Variants in LEPR observed in about 807,000 individuals in gnomAD.
LEPR encodes OB receptor.
In LEPR, 56 loss-of-function variants were observed where a neutral mutation model predicts 114.7. The observed-to-expected ratio is 0.49, with a 90% CI of 0.39 to 0.61. LEPR has a LOEUF of 0.61. Among genes scored for constraint, LEPR ranks in the 20% least tolerant of loss-of-function variants. The pLI is 0.00. For missense variants in LEPR, 1,202 were observed against 1,352.9 expected (o/e 0.89, Z 1.75); for synonymous variants, 443 against 461.4 (o/e 0.96, Z 0.51).
chr1:65,620,606 G>C (rs951931883), intron 17 of LEPR, among the ~76,000 whole-genome samples: 2 of 152,132 alleles, frequency 1.3e-5, no homozygotes, highest in African/African-American at 4.8e-5. Flanking sequence ...TTAGTTGATA[G>C]CCAGAAATGG....
At chr1:65,546,677 G>A (rs1458945148) in intron 2 of LEPR, among the ~76,000 whole-genome samples, 5 of 152,262 alleles carry the variant, frequency 3.3e-5, no homozygotes, top group Admixed American at 1.3e-4. Context: ...AGACTTTGCC[G>A]AAGTTGCTTA....
At chr1:65,427,482 C>T (rs1646402253) in intron 2 of LEPR, among the ~76,000 whole-genome samples, 1 of 152,048 alleles carries the variant, frequency 6.6e-6, no homozygotes, top group Non-Finnish European at 1.5e-5. Context: ...TTGGTTGAGC[C>T]CAGGGGTTGG....
At chr1:65,466,128 C>A (rs1459792659) in intron 2 of LEPR, among the ~76,000 whole-genome samples, 3 of 152,150 alleles carry the variant, frequency 2.0e-5, no homozygotes, top group African/African-American at 4.8e-5. Flanking sequence ...TGTCCTTGGT[C>A]TTTACCATTT....
intron 2 of LEPR, among the ~76,000 whole-genome samples, chr1:65,443,471 C>T (rs939759104): frequency 6.6e-6 from 1 of 150,762 alleles, no homozygotes; most frequent in Non-Finnish European, 1.5e-5. Context: ...ATATACACAT[C>T]TATATCTGAT....
chr1:65,485,622 C>G lies in LEPR; in HGVS notation c.-21+60244C>G, dbSNP rs1311372457. ...ATGCAGACACACAAACTCTCTCTCT[C>G]TCTCTTTCTGAGAGGTCAGCCCATT... On this transcript the variant is annotated intron_variant, in intron 2 of 19. Transcript: ENST00000349533. Among the ~76,000 whole-genome samples the G allele has an allele frequency of 2.0e-5, 3 of 152,278 alleles. No homozygotes were observed. In the East Asian group the frequency reaches 5.8e-4, roughly 29 times the overall value.
At chr1:65,426,321 G>A (rs189032459) in intron 2 of LEPR, among the ~76,000 whole-genome samples, 51 of 144,622 alleles carry the variant, frequency 3.5e-4, no homozygotes, top group African/African-American at 1.1e-3. Flanking sequence ...CAAAAGAAGG[G>A]TTAGTCAAGA....
At chr1:65,583,280 C>T (rs566805272) in intron 5 of LEPR, among the ~76,000 whole-genome samples, 162 of 152,232 alleles carry the variant, frequency 1.1e-3, no homozygotes, top group African/African-American at 3.8e-3. Flanking sequence ...CAGGAGCATA[C>T]AGAAAAACTT....
intron 5 of LEPR, chr1:65,576,733 G>A (rs1654612720): frequency 5.1e-6 from 1 of 194,244 alleles, no homozygotes; most frequent in South Asian, 9.7e-5. Flanking sequence ...AGCCAGACAT[G>A]TGCCAGCTGC....
chr1:65,455,921 A>G (rs1427772560), intron 2 of LEPR, among the ~76,000 whole-genome samples: 1 of 152,118 alleles, frequency 6.6e-6, no homozygotes, highest in Non-Finnish European at 1.5e-5. Context: ...CTGCTGTGCT[A>G]GCAATCAGTG....
chr1:65,488,192 CTTTCTT>C (rs1647629297), intron 2 of LEPR, among the ~76,000 whole-genome samples: 1 of 20,526 alleles, frequency 4.9e-5, no homozygotes, highest in Non-Finnish European at 1.0e-4. Context: ...TTCTTTCTTT[CTTTCTT>C]TCTTTCTTTC....
intron 2 of LEPR, among the ~76,000 whole-genome samples, chr1:65,503,795 CTACACACA>C (rs1432210316): frequency 1.1e-5 from 1 of 94,690 alleles, no homozygotes; most frequent in Non-Finnish European, 2.4e-5. Flanking sequence ...CTGAAGTTAG[CTACACACA>C]CACACACACA....
chr1:65,482,826 A>G (rs1647283618), intron 2 of LEPR, among the ~76,000 whole-genome samples: 1 of 152,080 alleles, frequency 6.6e-6, no homozygotes, highest in Admixed American at 6.6e-5. Flanking sequence ...TCTCTACTAA[A>G]GATACAAAAA....
intron 5 of LEPR, among the ~76,000 whole-genome samples, chr1:65,580,345 T>C (rs370066521): frequency 2.9e-4 from 44 of 152,310 alleles, no homozygotes; most frequent in African/African-American, 1.0e-3. Context: ...AAGCTTTGAA[T>C]CAGACTCACC....
intron 2 of LEPR, among the ~76,000 whole-genome samples, chr1:65,436,469 G>A (rs1267833716): frequency 2.0e-5 from 3 of 152,160 alleles, no homozygotes. Context: ...AAGAAATCAA[G>A]CTAGTTATTT....
At chr1:65,438,113 CTTTTTT>C (rs36053447) in intron 2 of LEPR, among the ~76,000 whole-genome samples, 2 of 87,762 alleles carry the variant, frequency 2.3e-5, no homozygotes, top group East Asian at 6.0e-4. Context: ...TCCTAGCCGC[CTTTTTT>C]TTTTTTTTTT....
chr1:65,549,964 C>A (rs1304288715), intron 2 of LEPR, among the ~76,000 whole-genome samples: 5 of 152,102 alleles, frequency 3.3e-5, no homozygotes, highest in East Asian at 1.9e-4. Context: ...TTGGTCTTTG[C>A]TGATGGTGAT....
At chr1:65,429,797 A>T in intron 2 of LEPR, 1 of 1,252,956 alleles carries the variant, frequency 8.0e-7, no homozygotes. Flanking sequence ...AAATAGTAGT[A>T]TGTCTTTCAT....
intron 2 of LEPR, among the ~76,000 whole-genome samples, chr1:65,515,427 C>A (rs1217893246): frequency 1.3e-5 from 2 of 152,120 alleles, no homozygotes; most frequent in Non-Finnish European, 2.9e-5. Context: ...ATGACAAAAC[C>A]ATTTTTTGTG....
At chr1:65,539,111 T>A (rs572170101) in intron 2 of LEPR, among the ~76,000 whole-genome samples, 8 of 95,366 alleles carry the variant, frequency 8.4e-5, no homozygotes, top group Admixed American at 7.0e-4. Context: ...GCATTTTTTT[T>A]AAAACCATTG....
Sources: gnomAD v4.1 joint callset for allele counts (sites outside exome capture counted in the v4.1 genomes callset) on GRCh38, gnomAD v4.1.1 for gene constraint, MANE v1.5 for transcripts, NCBI Gene and HGNC (gene_info 2026-07-23, HGNC 2026-07-21) for gene names.